The following ADAMTS6 variants were observed in gnomAD, a reference collection of about 807,000 sequenced individuals.
The protein encoded by ADAMTS6 is A disintegrin and metalloproteinase with thrombospondin motifs 6.
ADAMTS6 carries 23 observed loss-of-function variants against 144.3 expected under a neutral mutation model. The observed-to-expected ratio is 0.16, with a 90% confidence interval of 0.11 to 0.23. ADAMTS6 has a LOEUF of 0.23. Ranked by LOEUF, ADAMTS6 falls within the 10% of genes least tolerant of loss-of-function variation. The pLI is 1.00. For missense variants in ADAMTS6, 999 were observed against 1,379.6 expected (o/e 0.72, Z 4.37); for synonymous variants, 444 against 457.5 (o/e 0.97, Z 0.38).
intron 9 of ADAMTS6, among the ~76,000 whole-genome samples, chr5:65,326,009 TTC>T (rs1299026994): frequency 2.6e-5 from 4 of 152,190 alleles, no homozygotes; most frequent in Non-Finnish European, 5.9e-5. Context: ...TATTCTTGTT[TTC>T]TCTTTCTTTT....
chr5:65,460,259 C>T lies in ADAMTS6; in HGVS notation c.542G>A (p.Ser181Asn). ...AACATGAGGGTGGCCATTTTCATAA[C>T]TAAAATGCTTGGAATCCTCTGTGGT... ...KNTTEDSKHF[S>N]YENGHPHVIY... Residue 181 changes from serine (S) to asparagine (N), a missense_variant, in exon 4 of 25, where the codon AGT becomes AAT. By Grantham distance (46) the Ser-to-Asn change is conservative. Transcript: ENST00000381055. 1.2e-6 allele frequency: 2 copies of T among 1,614,014 alleles called. No homozygotes were observed. The highest frequency in any genetic ancestry group is 1.1e-5 in the South Asian group (1 of 91,076).
intron 24 of ADAMTS6, among the ~76,000 whole-genome samples, chr5:65,163,485 C>T (rs973329607): frequency 6.6e-6 from 1 of 152,050 alleles, no homozygotes; most frequent in Non-Finnish European, 1.5e-5. Context: ...AAAAACAGAC[C>T]ATTTGCAAAG....
chr5:65,198,947 T>C lies in ADAMTS6; in HGVS notation c.2576-1796A>G, dbSNP rs543714435. On this transcript the variant is annotated intron_variant, in intron 20 of 24. Transcript: ENST00000381055. Reference sequence around the variant, plus strand: ...ATGATATTCATCGGATATCTCCCCATTGTGTCATTCCAGTGGGCAGATAAC... The same window carrying C: ...ATGATATTCATCGGATATCTCCCCACTGTGTCATTCCAGTGGGCAGATAAC... Among the ~76,000 whole-genome samples the C allele has an allele frequency of 5.9e-5, 9 of 152,282 alleles. No individual in the cohort carries two copies. The South Asian group carries it at 1.7e-3, about 28-fold the overall frequency.
intron 22 of ADAMTS6, among the ~76,000 whole-genome samples, chr5:65,179,991 G>C (rs978661495): frequency 1.3e-5 from 2 of 151,656 alleles, no homozygotes; most frequent in Non-Finnish European, 2.9e-5. Context: ...CATCCCCCAG[G>C]AGCCAGCTGA....
At chr5:65,276,290 C>T (rs1377355713) in intron 11 of ADAMTS6, among the ~76,000 whole-genome samples, 1 of 152,038 alleles carries the variant, frequency 6.6e-6, no homozygotes, top group Non-Finnish European at 1.5e-5. Context: ...AATTTTGTTA[C>T]CATATTAACT....
At chr5:65,398,844 GAAAGAAAAAGAA>G (rs1460137369) in intron 7 of ADAMTS6, among the ~76,000 whole-genome samples, 3 of 133,208 alleles carry the variant, frequency 2.3e-5, no homozygotes, top group African/African-American at 8.8e-5. Context: ...AAGAAAGAAA[GAAAGAAAAAGAA>G]AGAGAAAGAA....
intron 22 of ADAMTS6, among the ~76,000 whole-genome samples, chr5:65,178,923 T>C (rs1754156952): frequency 6.6e-6 from 1 of 151,456 alleles, no homozygotes; most frequent in Non-Finnish European, 1.5e-5. Context: ...TGTAGAGGTG[T>C]TGGACTCAGT....
chr5:65,206,494 T>A (rs552757791), intron 20 of ADAMTS6, among the ~76,000 whole-genome samples: 1 of 151,562 alleles, frequency 6.6e-6, no homozygotes, highest in African/African-American at 2.4e-5. Flanking sequence ...GGGTCAGGAG[T>A]TCGAGACCAG....
intron 9 of ADAMTS6, among the ~76,000 whole-genome samples, chr5:65,323,579 C>T (rs1014454605): frequency 5.3e-5 from 8 of 151,974 alleles, no homozygotes; most frequent in East Asian, 1.9e-4. Context: ...TATAAACATA[C>T]GTGTGCATGT....
chr5:65,226,279 A>G, intron 15 of ADAMTS6, 60 bp from the exon 16 acceptor site: 2 of 1,548,944 alleles, frequency 1.3e-6, no homozygotes, highest in South Asian at 2.4e-5. Flanking sequence ...ACAGTGATTC[A>G]GTATTATCTA....
intron 7 of ADAMTS6, among the ~76,000 whole-genome samples, chr5:65,399,180 C>T (rs1443552008): frequency 2.0e-5 from 3 of 151,890 alleles, no homozygotes; most frequent in Admixed American, 6.6e-5. Context: ...TTGTTGAACT[C>T]GGAAGGCAGA....
At chr5:65,411,481 A>G (rs1755046112) in intron 7 of ADAMTS6, among the ~76,000 whole-genome samples, 2 of 152,318 alleles carry the variant, frequency 1.3e-5, no homozygotes, top group South Asian at 2.1e-4. Flanking sequence ...CTGTAATCCA[A>G]TGGAATCCTA....
At chr5:65,360,678 C>G (rs895710329) in intron 7 of ADAMTS6, among the ~76,000 whole-genome samples, 1 of 151,824 alleles carries the variant, frequency 6.6e-6, no homozygotes, top group Admixed American at 6.6e-5. Flanking sequence ...TATTTGTAAT[C>G]CAAAATTCAA....
At chr5:65,281,189 T>C (rs1429634769) in intron 11 of ADAMTS6, among the ~76,000 whole-genome samples, 1 of 152,194 alleles carries the variant, frequency 6.6e-6, no homozygotes, top group South Asian at 2.1e-4. Flanking sequence ...TAACTAGATG[T>C]AGATTTGAAT....
intron 9 of ADAMTS6, among the ~76,000 whole-genome samples, chr5:65,321,389 T>C (rs1311133748): frequency 2.0e-5 from 3 of 151,642 alleles, no homozygotes; most frequent in Non-Finnish European, 4.4e-5. Flanking sequence ...TTAATGGGGA[T>C]TTTTTTTTCT....
chr5:65,261,400 C>T (rs754877070), intron 13 of ADAMTS6, among the ~76,000 whole-genome samples: 2 of 152,094 alleles, frequency 1.3e-5, no homozygotes, highest in African/African-American at 2.4e-5. Context: ...CAACTAATTT[C>T]TTCTTTTAAA....
intron 11 of ADAMTS6, among the ~76,000 whole-genome samples, chr5:65,289,685 G>A (rs924670643): frequency 1.1e-4 from 17 of 152,106 alleles, no homozygotes; most frequent in Non-Finnish European, 2.5e-4. Flanking sequence ...ATTTGAGAGA[G>A]AAAAAGACTA....
intron 9 of ADAMTS6, among the ~76,000 whole-genome samples, chr5:65,306,171 C>T (rs1044728319): frequency 6.6e-6 from 1 of 152,212 alleles, no homozygotes; most frequent in Non-Finnish European, 1.5e-5. Context: ...GCTTGCTGTA[C>T]TGTAATAACA....
At chr5:65,374,344 G>C (rs866364953) in intron 7 of ADAMTS6, among the ~76,000 whole-genome samples, 2,285 of 150,282 alleles carry the variant, frequency 0.015, 30 homozygotes, top group East Asian at 0.079. Flanking sequence ...CGACATGATT[G>C]TATATCTAGA....
Sources: allele counts gnomAD v4.1 joint callset (sites outside exome capture counted in the v4.1 genomes callset), GRCh38; gene constraint gnomAD v4.1.1; transcripts MANE v1.5; gene names NCBI Gene and HGNC (gene_info 2026-07-23, HGNC 2026-07-21).